PHLDB2: variants seen among roughly 807,000 people sequenced by gnomAD.
PHLDB2 encodes pleckstrin homology like domain family B member 2.
A neutral mutation model predicts 123.6 loss-of-function variants in PHLDB2; 71 were observed. That is an observed-to-expected ratio of 0.57 (90% CI 0.47 to 0.70). The LOEUF (loss-of-function observed/expected upper bound fraction) is 0.70, where lower values mean the gene tolerates loss of function less well. Ranked by LOEUF, PHLDB2 falls within the 30% of genes least tolerant of loss-of-function variation. The pLI, the probability that PHLDB2 is intolerant of heterozygous loss-of-function variation, is 0.00. For synonymous variants in PHLDB2, 547 were observed against 541.6 expected (o/e 1.01, Z -0.14); for missense variants, 1,446 against 1,519.5 (o/e 0.95, Z 0.80).
chr3:111,757,857 A>G (rs893746309), intron 1 of PHLDB2, among the ~76,000 whole-genome samples: 22 of 152,164 alleles, frequency 1.4e-4, no homozygotes, highest in African/African-American at 4.3e-4. Flanking sequence ...GGAGTTTGCT[A>G]GAAGTCCACT....
chr3:111,779,854 T>A (rs997346595), intron 1 of PHLDB2: 1 of 984,216 alleles, frequency 1.0e-6, no homozygotes, highest in African/African-American at 1.7e-5. Flanking sequence ...ATCCTCTATA[T>A]GGAAATACTT....
At chr3:111,971,567 G>A (rs2072184250) in intron 16 of PHLDB2, among the ~76,000 whole-genome samples, 1 of 152,082 alleles carries the variant, frequency 6.6e-6, no homozygotes, top group South Asian at 2.1e-4. Context: ...TGGCTGGTGA[G>A]ACCTAGTTGG....
intron 2 of PHLDB2, among the ~76,000 whole-genome samples, chr3:111,906,319 A>G (rs992522503): frequency 8.5e-5 from 13 of 152,218 alleles, no homozygotes; most frequent in African/African-American, 3.1e-4. Flanking sequence ...AATCCTCATG[A>G]TAACCCAATA....
At chr3:111,841,808 T>C (rs2063712079) in intron 1 of PHLDB2, among the ~76,000 whole-genome samples, 1 of 152,220 alleles carries the variant, frequency 6.6e-6, no homozygotes, top group Non-Finnish European at 1.5e-5. Context: ...GAGGTAGAAA[T>C]GCTGTCTACC....
At chr3:111,901,432 T>C (rs1363878476) in intron 2 of PHLDB2, among the ~76,000 whole-genome samples, 2 of 152,156 alleles carry the variant, frequency 1.3e-5, no homozygotes, top group South Asian at 2.1e-4. Flanking sequence ...TATAGTACTT[T>C]CAGTTGTTAT....
At chr3:111,866,591 A>G (rs1003498014) in intron 1 of PHLDB2, among the ~76,000 whole-genome samples, 1 of 151,846 alleles carries the variant, frequency 6.6e-6, no homozygotes, top group African/African-American at 2.4e-5. Context: ...CCTCCCATAC[A>G]CTCTCCTCAG....
At chr3:111,911,709 A>G in intron 2 of PHLDB2, 1 of 1,536,210 alleles carries the variant, frequency 6.5e-7, no homozygotes, top group Non-Finnish European at 8.7e-7. Flanking sequence ...CCAGAAGTTC[A>G]GGCAGTGAAA....
intron 1 of PHLDB2, among the ~76,000 whole-genome samples, chr3:111,839,421 T>A (rs2063567991): frequency 1.3e-5 from 2 of 152,210 alleles, no homozygotes; most frequent in Admixed American, 1.3e-4. Context: ...TGATGCGCTC[T>A]CTGTTCACAA....
intron 2 of PHLDB2, among the ~76,000 whole-genome samples, chr3:111,853,552 A>G (rs1387954120): frequency 2.6e-5 from 4 of 152,098 alleles, no homozygotes; most frequent in Admixed American, 1.3e-4. Flanking sequence ...TGTGCAAGGA[A>G]TGGTACCTAC....
chr3:111,787,230 T>C (rs964033897), intron 1 of PHLDB2, among the ~76,000 whole-genome samples: 8 of 152,242 alleles, frequency 5.3e-5, no homozygotes, highest in African/African-American at 9.6e-5. Flanking sequence ...CTCTAGCTTA[T>C]AATTTCTATC....
At chr3:111,962,406 A>AATAT in intron 13 of PHLDB2, 94 bp downstream of exon 13, 9 of 1,171,380 alleles carry the variant, frequency 7.7e-6, no homozygotes, top group Non-Finnish European at 1.1e-5. Flanking sequence ...TATATGCACA[A>AATAT]GCCCAAATTT....
intron 1 of PHLDB2, among the ~76,000 whole-genome samples, chr3:111,807,989 A>G (rs2108312738): frequency 6.9e-6 from 1 of 144,774 alleles, no homozygotes; most frequent in African/African-American, 2.6e-5. Flanking sequence ...GTGACTCAAT[A>G]GTTCTCAGGC....
Position 111,913,213 on chromosome 3 carries a change from T to C in PHLDB2, c.1336-106T>C, listed in dbSNP as rs934196597. ...CACCAGCCAAGTGTTTGTGGGTTTA[T>C]GTATGGAATGCAAGCACCAGTTGTC... On this transcript the variant is annotated intron_variant, in intron 2 of 17. Transcript: ENST00000431670. 2.2e-5 allele frequency: 27 copies of C among 1,226,862 alleles called. No individual in the cohort carries two copies. In the Admixed American group the frequency reaches 6.5e-4, roughly 30 times the overall value. 76.0% of individuals were successfully genotyped at this position (1,226,862 alleles called of 1,614,324 possible). A position where few individuals can be genotyped will look rare whatever the true frequency, so the allele number is the denominator to read the frequency against.
At chr3:111,930,016 A>T (rs1270070225) in intron 5 of PHLDB2, among the ~76,000 whole-genome samples, 1 of 146,122 alleles carries the variant, frequency 6.8e-6, no homozygotes, top group Admixed American at 7.0e-5. Context: ...GGTTCACGCC[A>T]TTCTCCTACC....
At chr3:111,780,412 A>AGGAAG (rs2060419890) in intron 1 of PHLDB2, among the ~76,000 whole-genome samples, 1 of 116,680 alleles carries the variant, frequency 8.6e-6, no homozygotes, top group Admixed American at 8.5e-5. Flanking sequence ...AGAAGAAGAA[A>AGGAAG]AAGATTAGTT....
intron 1 of PHLDB2, among the ~76,000 whole-genome samples, chr3:111,834,228 ATT>A (rs1559858251): frequency 3.3e-4 from 17 of 50,880 alleles, no homozygotes; most frequent in South Asian, 1.4e-3. Context: ...TTATATATAT[ATT>A]ATGTATATAA....
chr3:111,780,405 A>AAG (rs2060416188), intron 1 of PHLDB2, among the ~76,000 whole-genome samples: 1 of 146,356 alleles, frequency 6.8e-6, no homozygotes, highest in African/African-American at 2.6e-5. Flanking sequence ...AAGAAGAAGA[A>AAG]GAAGAAAAAG....
chr3:111,830,507 CAAAAAA>C (rs397990816), intron 1 of PHLDB2, among the ~76,000 whole-genome samples: 3 of 115,830 alleles, frequency 2.6e-5, no homozygotes, highest in Non-Finnish European at 5.4e-5. Context: ...AGGAACATGG[CAAAAAA>C]AAAAAAAAAA....
rs572037639 is a variant in PHLDB2 at position 111,868,272 on chromosome 3, G to A, written c.-15+8696G>A. On this transcript the variant is annotated intron_variant, in intron 1 of 17. Transcript: ENST00000431670. Reference sequence around the variant, plus strand: ...TAGGCTCAAGCAATCCTCATGCCTCGGCCTCCTGAAGTGCTGGGATTATGA... The same window carrying A: ...TAGGCTCAAGCAATCCTCATGCCTCAGCCTCCTGAAGTGCTGGGATTATGA... Among the ~76,000 whole-genome samples the A allele has an allele frequency of 3.4e-3, 515 of 152,184 alleles. 4 individuals are homozygous for A. Among genetic ancestry groups the A allele is most frequent in the African/African-American group, 0.012 (490 of 41,526 alleles).
Sources: allele counts gnomAD v4.1 joint callset (sites outside exome capture counted in the v4.1 genomes callset), GRCh38; gene constraint gnomAD v4.1.1; transcripts MANE v1.5; gene names NCBI Gene and HGNC (gene_info 2026-07-23, HGNC 2026-07-21).